Variants in DYM observed in about 807,000 individuals in gnomAD.
DYM encodes dymeclin.
DYM carries 78 observed loss-of-function variants against 93.1 expected under a neutral mutation model. The observed-to-expected ratio is 0.84, with a 90% CI of 0.70 to 1.01. The LOEUF (loss-of-function observed/expected upper bound fraction) is 1.01. Among genes scored for constraint, DYM ranks in the 50% least tolerant of loss-of-function variants. The probability of loss-of-function intolerance (pLI) is 0.00; values close to 1 mark genes in which losing one functional copy is unlikely to be tolerated. For synonymous variants in DYM, 321 were observed against 319.7 expected (o/e 1.00, Z -0.04); for missense variants, 789 against 845.0 (o/e 0.93, Z 0.82).
At chr18:49,439,094 T>C (rs980304156) in intron 1 of DYM, among the ~76,000 whole-genome samples, 1 of 152,196 alleles carries the variant, frequency 6.6e-6, no homozygotes, top group Admixed American at 6.5e-5. Flanking sequence ...GCTTCCATGA[T>C]ACTACTTTCA....
intron 8 of DYM, among the ~76,000 whole-genome samples, chr18:49,318,292 AAGAAT>A (rs1224400773): frequency 6.6e-6 from 1 of 152,220 alleles, no homozygotes; most frequent in African/African-American, 2.4e-5. Context: ...GAGAGAAGAC[AAGAAT>A]AGGAGACTTG....
intron 15 of DYM, among the ~76,000 whole-genome samples, chr18:49,139,344 T>C (rs978317566): frequency 6.6e-6 from 1 of 152,146 alleles, no homozygotes; most frequent in Non-Finnish European, 1.5e-5. Flanking sequence ...TCTGAAATAA[T>C]GTGTACTATT....
intron 2 of DYM, among the ~76,000 whole-genome samples, chr18:49,410,666 A>T (rs1469354855): frequency 7.3e-5 from 11 of 151,082 alleles, no homozygotes; most frequent in African/African-American, 2.7e-4. Flanking sequence ...AAAAAAAATT[A>T]GCTGGGCATG....
intron 14 of DYM, among the ~76,000 whole-genome samples, chr18:49,202,830 C>T (rs1288454827): frequency 2.5e-5 from 2 of 79,236 alleles, no homozygotes; most frequent in Non-Finnish European, 5.3e-5. Flanking sequence ...GGAGCCTCTC[C>T]GCCCGGCAGC....
At chr18:49,332,146 C>T in intron 7 of DYM, 140 bp from the exon 8 acceptor site, 1 of 864,294 alleles carries the variant, frequency 1.2e-6, no homozygotes, top group South Asian at 1.5e-5. Flanking sequence ...AAATTGAGCA[C>T]TGCACACAAC....
intron 2 of DYM, among the ~76,000 whole-genome samples, chr18:49,426,621 C>T (rs1162663067): frequency 2.0e-5 from 3 of 151,568 alleles, no homozygotes; most frequent in African/African-American, 4.8e-5. Context: ...ATACCAATAC[C>T]CCTTAAACAT....
At chr18:49,421,034 G>A (rs2073635656) in intron 2 of DYM, among the ~76,000 whole-genome samples, 1 of 152,154 alleles carries the variant, frequency 6.6e-6, no homozygotes, top group South Asian at 2.1e-4. Context: ...CGCAGCTCAA[G>A]GAGAACTGCC....
chr18:49,396,630 G>A (rs572518376), intron 2 of DYM, among the ~76,000 whole-genome samples: 115 of 152,224 alleles, frequency 7.6e-4, no homozygotes, highest in African/African-American at 2.7e-3. Context: ...GCACTCTCAT[G>A]TTTACTGCAG....
At chr18:49,263,586 C>CAAAAAAAAAAAAATAAAAAAA (rs2094523398) in intron 11 of DYM, among the ~76,000 whole-genome samples, 2 of 151,634 alleles carry the variant, frequency 1.3e-5, no homozygotes, top group South Asian at 4.2e-4. Context: ...AAAAACTAAC[C>CAAAAAAAAAAAAATAAAAAAA]AGGCTTGGTG....
intron 15 of DYM, among the ~76,000 whole-genome samples, chr18:49,153,300 G>A (rs910948722): frequency 1.3e-5 from 2 of 152,046 alleles, no homozygotes. Context: ...AAACTCACTG[G>A]GACCTAATCA....
chr18:49,428,562 G>A (rs973731598), intron 2 of DYM, among the ~76,000 whole-genome samples: 4 of 152,086 alleles, frequency 2.6e-5, no homozygotes, highest in South Asian at 4.1e-4. Context: ...GCATGCAACC[G>A]TTAAGCCCAG....
chr18:49,361,863 T>G (rs1057305787), intron 6 of DYM, among the ~76,000 whole-genome samples: 1 of 152,068 alleles, frequency 6.6e-6, no homozygotes, highest in Admixed American at 6.6e-5. Flanking sequence ...GTAGCTGGGA[T>G]TACAGGCATG....
In DYM at chr18:49,457,324, T is replaced by A. The variant is rs1600423992; in HGVS notation, c.-54+3074A>T. ...CCCCCAGCGTGTCCTGTGTCAAGTA[T>A]CAGGTTAGCCCTCTGATTACACATA... is the stretch of plus-strand genomic sequence containing the variant. On this transcript the variant is annotated intron_variant, in intron 1 of 17. Transcript: ENST00000675505. Among the ~76,000 whole-genome samples, 5 of 152,192 alleles carry A rather than the reference T, an allele frequency of 3.3e-5. No individual in the cohort carries two copies. In the South Asian group the frequency reaches 1.0e-3, roughly 32 times the overall value.
At chr18:49,167,417 C>T (rs908208078) in intron 14 of DYM, among the ~76,000 whole-genome samples, 1 of 152,154 alleles carries the variant, frequency 6.6e-6, no homozygotes, top group African/African-American at 2.4e-5. Context: ...TTTGAGGTCA[C>T]ATTCAGCTCT....
chr18:49,316,413 C>T lies in DYM; in HGVS notation c.763+15451G>A, dbSNP rs1392885517. ...AAACTGAAGGCCTCCATCAAAATGC[C>T]CCAGAACTAATATATCTGAAAAAAC... On this transcript the variant is annotated intron_variant, in intron 8 of 17. Coordinates refer to ENST00000675505, the MANE Select transcript of DYM (RefSeq NM_001353214.3). 2.6e-5 allele frequency among the ~76,000 whole-genome samples: 4 copies of T among 152,118 alleles called. No homozygotes were observed. In the East Asian group the frequency reaches 7.7e-4, roughly 29 times the overall value.
Position 49,081,547 on chromosome 18 carries a change from GGGGAGAGGGGAGAGGGGAGA to G in DYM, c.2025+15835_2025+15854del, listed in dbSNP as rs2078036069. 4.4e-5 allele frequency among the ~76,000 whole-genome samples: 3 copies of G among 68,920 alleles called. No individual in the cohort carries two copies. The South Asian group carries it at 1.2e-3, about 27-fold the overall frequency. The allele number at this position is 68,920 out of a possible 152,430, so 45.2% of individuals were successfully genotyped here. ...GAGAGGGGAGAGGGGAGAGGGGAGA[GGGGAGAGGGGAGAGGGGAGA>G]GGGGAGCTGTAGAGATTCTTGTCTG... On this transcript the variant is annotated intron_variant, in intron 17 of 17. Coordinates refer to ENST00000675505, the MANE Select transcript of DYM (RefSeq NM_001353214.3).
At chr18:49,303,820 T>TATTAATTTAGTAA (rs2061101354) in intron 8 of DYM, among the ~76,000 whole-genome samples, 2 of 152,238 alleles carry the variant, frequency 1.3e-5, no homozygotes, top group Non-Finnish European at 2.9e-5. Context: ...ATTAATTTAC[T>TATTAATTTAGTAA]AAATGAATTA....
chr18:49,433,769 A>G (rs969652347), intron 1 of DYM, among the ~76,000 whole-genome samples: 5 of 152,108 alleles, frequency 3.3e-5, no homozygotes, highest in Non-Finnish European at 5.9e-5. Flanking sequence ...TCAGGAGGCT[A>G]AGGCACGAGA....
At chr18:49,044,796 G>A (rs1049959742) in intron 17 of DYM, among the ~76,000 whole-genome samples, 14 of 152,220 alleles carry the variant, frequency 9.2e-5, no homozygotes, top group Non-Finnish European at 1.3e-4. Flanking sequence ...TTGGCTTTGC[G>A]GAGAGGGAGC....
Sources: gnomAD v4.1 joint callset for allele counts (sites outside exome capture counted in the v4.1 genomes callset) on GRCh38, gnomAD v4.1.1 for gene constraint, MANE v1.5 for transcripts, NCBI Gene and HGNC (gene_info 2026-07-23, HGNC 2026-07-21) for gene names.